Variants in GABRB3 observed in about 807,000 individuals in gnomAD.
GABRB3 encodes the protein gamma-aminobutyric acid receptor subunit beta-3.
A neutral mutation model predicts 52.1 loss-of-function variants in GABRB3; 14 were observed. That is an observed-to-expected ratio of 0.27 (90% CI 0.18 to 0.42). The LOEUF is 0.42. Ranked by LOEUF, GABRB3 falls within the 10% of genes least tolerant of loss-of-function variation. GABRB3 has a pLI of 1.00. For missense variants in GABRB3, 307 were observed against 609.1 expected (o/e 0.50, Z 5.22); for synonymous variants, 260 against 232.3 (o/e 1.12, Z -1.08).
chr15:26,651,270 C>G (rs74004634), intron 3 of GABRB3, among the ~76,000 whole-genome samples: 2 of 152,234 alleles, frequency 1.3e-5, no homozygotes, highest in South Asian at 4.1e-4. Context: ...ATCCCTCACC[C>G]GCTTGTTCAC....
At position 26,680,865 on chromosome 15, in the gene GABRB3, T is replaced by C. The variant is rs113696974; in HGVS notation, c.241-59331A>G. 2.5e-3 allele frequency among the ~76,000 whole-genome samples: 378 copies of C among 152,286 alleles called. 3 individuals are homozygous for C. The highest frequency in any genetic ancestry group is 8.5e-3 in the African/African-American group (353 of 41,544). Reference sequence around the variant, plus strand: ...AGAGGGGTTTGTTGTCAAACTCAGGTCAAGGAACACCACATTCTTACTGAA... The same window carrying C: ...AGAGGGGTTTGTTGTCAAACTCAGGCCAAGGAACACCACATTCTTACTGAA... On this transcript the variant is annotated intron_variant, in intron 3 of 8. Transcript: ENST00000311550.
chr15:26,729,818 C>A (rs1054472286), intron 3 of GABRB3, among the ~76,000 whole-genome samples: 2 of 152,134 alleles, frequency 1.3e-5, no homozygotes, highest in Non-Finnish European at 2.9e-5. Flanking sequence ...TCTGCCATGC[C>A]CAACAGCACA....
At chr15:26,772,356 A>T (rs2044035131) in intron 3 of GABRB3, 46 bp downstream of exon 3, 3 of 1,529,484 alleles carry the variant, frequency 2.0e-6, no homozygotes, top group Non-Finnish European at 2.7e-6. Flanking sequence ...GATCCCAGAC[A>T]GCGGGCCGGG....
intron 8 of GABRB3, among the ~76,000 whole-genome samples, chr15:26,556,153 T>C (rs1889743225): frequency 6.6e-6 from 1 of 152,228 alleles, no homozygotes; most frequent in Admixed American, 6.5e-5. Context: ...ATCTCATATC[T>C]ACTATAATTA....
chr15:26,629,229 G>T (rs908150257), intron 3 of GABRB3: 6 of 1,405,658 alleles, frequency 4.3e-6, no homozygotes, highest in Non-Finnish European at 5.6e-6. Flanking sequence ...GGCCTGGAAA[G>T]GAGGGCAGCG....
chr15:26,680,367 T>C (rs1888200571), intron 3 of GABRB3, among the ~76,000 whole-genome samples: 1 of 152,232 alleles, frequency 6.6e-6, no homozygotes, highest in Non-Finnish European at 1.5e-5. Flanking sequence ...TCTTGCTCCC[T>C]TCCTAACACT....
chr15:26,753,484 GAGA>G (rs1364095632), intron 3 of GABRB3, among the ~76,000 whole-genome samples: 1 of 152,200 alleles, frequency 6.6e-6, no homozygotes, highest in African/African-American at 2.4e-5. Flanking sequence ...AAAGAAGAAA[GAGA>G]AGAAGATGAT....
At chr15:26,693,303 G>GC (rs1358311763) in intron 3 of GABRB3, among the ~76,000 whole-genome samples, 1 of 152,186 alleles carries the variant, frequency 6.6e-6, no homozygotes, top group Non-Finnish European at 1.5e-5. Context: ...TAATGGCAGA[G>GC]CCCCAAGCTG....
In GABRB3 at chr15:26,543,753, C is replaced by T. The variant is rs1158362450; in HGVS notation, c.*4040G>A. 6.6e-6 allele frequency: 1 copy of T among 152,568 alleles called. No homozygotes were observed. The highest frequency in any genetic ancestry group is 6.5e-5 in the Admixed American group (1 of 15,276). 9.5% of individuals were successfully genotyped at this position (152,568 alleles called of 1,614,324 possible). A position where few individuals can be genotyped will look rare whatever the true frequency, so the allele number is the denominator to read the frequency against. ...TGATTATGACAGCAATCGCCTATTC[C>T]TACTAGAATAATCCTGTACTTACCT... is the stretch of plus-strand genomic sequence containing the variant. On this transcript the variant is annotated 3_prime_UTR_variant, in exon 9 of 9. Transcript: ENST00000311550.
intron 4 of GABRB3, among the ~76,000 whole-genome samples, chr15:26,586,444 A>G (rs1328396266): frequency 7.1e-6 from 1 of 141,560 alleles, no homozygotes; most frequent in African/African-American, 2.6e-5. Context: ...ACACATAAAC[A>G]TGCCCAAATT....
chr15:26,565,938 C>T (rs1890158062), intron 7 of GABRB3, among the ~76,000 whole-genome samples: 2 of 152,148 alleles, frequency 1.3e-5, no homozygotes, highest in African/African-American at 4.8e-5. Flanking sequence ...AAAGGGGGTG[C>T]TTGAAATTGT....
rs145389655 is a variant in GABRB3 at position 26,574,924 on chromosome 15, A to T, written c.682+5395T>A. Reference sequence around the variant, plus strand: ...CAATAGATCCATTATAAGGAAAAAAAATGTTTACTACATGTATTTTTACTG... The same window carrying T: ...CAATAGATCCATTATAAGGAAAAAATATGTTTACTACATGTATTTTTACTG... On this transcript the variant is annotated intron_variant, in intron 6 of 8. Coordinates refer to ENST00000311550, the MANE Select transcript of GABRB3 (RefSeq NM_000814.6). Among the ~76,000 whole-genome samples the T allele has an allele frequency of 6.2e-3, 938 of 152,316 alleles. 5 individuals carry two copies. Among genetic ancestry groups the T allele is most frequent in the African/African-American group, 0.018 (763 of 41,568 alleles).
In GABRB3 at chr15:26,697,937, T is replaced by C. The variant is rs1292583661; in HGVS notation, c.240+74465A>G. ...AAATACTTTTATTTTTCCGTTGAAT[T>C]ACAGATCTATGAAATAATTTAGAAC... On this transcript the variant is annotated intron_variant, in intron 3 of 8. Coordinates refer to ENST00000311550, the MANE Select transcript of GABRB3 (RefSeq NM_000814.6). 2.6e-5 allele frequency among the ~76,000 whole-genome samples: 4 copies of C among 152,222 alleles called. No individual in the cohort carries two copies. In the East Asian group the frequency reaches 7.7e-4, roughly 29 times the overall value.
intron 7 of GABRB3, 77 bp downstream of exon 7, chr15:26,567,504 T>C (rs1262558240): frequency 2.1e-6 from 3 of 1,447,714 alleles, no homozygotes; most frequent in Non-Finnish European, 2.9e-6. Context: ...GTAGTTGAAC[T>C]ACAGCCTTTG....
intron 3 of GABRB3, among the ~76,000 whole-genome samples, chr15:26,755,601 T>G (rs1419761228): frequency 6.6e-6 from 1 of 152,228 alleles, no homozygotes; most frequent in Non-Finnish European, 1.5e-5. Flanking sequence ...CTTTGCATTC[T>G]AATGTTTTTT....
chr15:26,772,748 G>A lies in GABRB3; in HGVS notation c.105C>T (p.Ser35=). The part of the protein sequence containing the change: ...AQSVNDPGNM[S]FVKETVDKLL... ...GCTTGTCCACCGTCTCCTTCACAAA[G>A]GACATGTTCCCGGGATCGTTCACAC... The change falls in exon 2 of 9, where the codon TCC becomes TCT. Residue 35 remains serine (S), a synonymous_variant. Transcript: ENST00000311550. The A allele has an allele frequency of 6.4e-7, 1 of 1,571,296 alleles. No homozygotes were observed. The highest frequency in any genetic ancestry group is 8.6e-7 in the Non-Finnish European group (1 of 1,158,096).
chr15:26,669,961 G>A lies in GABRB3; in HGVS notation c.241-48427C>T, dbSNP rs1887836536. Among the ~76,000 whole-genome samples the A allele has an allele frequency of 2.6e-5, 4 of 152,334 alleles. No homozygotes were observed. The South Asian group carries it at 8.3e-4, about 32-fold the overall frequency. ...GCCGTGCACTGCACCTGCAGTATGT[G>A]TGTCTGAATCCAGTGTCACTTCCAG... On this transcript the variant is annotated intron_variant, in intron 3 of 8. Coordinates refer to ENST00000311550, the MANE Select transcript of GABRB3 (RefSeq NM_000814.6).
rs147912244 is a variant in GABRB3 at position 26,638,846 on chromosome 15, T to C, written c.241-17312A>G. Among the ~76,000 whole-genome samples, 6 of 152,244 alleles carry C rather than the reference T, an allele frequency of 3.9e-5. No homozygotes were observed. The East Asian group carries it at 1.2e-3, about 29-fold the overall frequency. On this transcript the variant is annotated intron_variant, in intron 3 of 8. Transcript: ENST00000311550. Reference sequence around the variant, plus strand: ...TTTCCTGAAATCAACAGTCTATATTTAGAAACATGCGCATGTGTGCTGAGC... The same window carrying C: ...TTTCCTGAAATCAACAGTCTATATTCAGAAACATGCGCATGTGTGCTGAGC...
intron 3 of GABRB3, among the ~76,000 whole-genome samples, chr15:26,756,834 G>C (rs1211077045): frequency 1.3e-5 from 2 of 152,038 alleles, no homozygotes; most frequent in Non-Finnish European, 1.5e-5. Context: ...CATCTGAACA[G>C]AGCAGGTGTC....
Sources: gnomAD v4.1 joint callset for allele counts (sites outside exome capture counted in the v4.1 genomes callset) on GRCh38, gnomAD v4.1.1 for gene constraint, MANE v1.5 for transcripts, NCBI Gene and HGNC (gene_info 2026-07-23, HGNC 2026-07-21) for gene names.